Variants in SGCZ observed in about 807,000 individuals in gnomAD.
SGCZ encodes the protein zeta-sarcoglycan.
SGCZ carries 40 observed loss-of-function variants against 41.3 expected under a neutral mutation model. The observed-to-expected ratio is 0.97, with a 90% CI of 0.75 to 1.26. The LOEUF (loss-of-function observed/expected upper bound fraction) is 1.26. SGCZ is among the 50% of genes most tolerant of loss of function. The pLI is 0.00. For synonymous variants in SGCZ, 206 were observed against 137.5 expected (o/e 1.50, Z -3.49); for missense variants, 552 against 369.8 (o/e 1.49, Z -4.04).
rs865901358 is a variant in SGCZ at position 14,921,236 on chromosome 8, T to C, written c.39+316349A>G. ...CAAACAATGCTCCTACTTTCAAATC[T>C]CCACATCAATGCCTCTCCTTCAGAC... On this transcript the variant is annotated intron_variant, in intron 1 of 7. Coordinates refer to ENST00000382080, the MANE Select transcript of SGCZ (RefSeq NM_139167.4). Among the ~76,000 whole-genome samples, 4 of 152,118 alleles carry C rather than the reference T, an allele frequency of 2.6e-5. No individual in the cohort carries two copies. In the South Asian group the frequency reaches 8.3e-4, roughly 32 times the overall value.
At chr8:14,545,509 C>T (rs1020806711) in intron 2 of SGCZ, among the ~76,000 whole-genome samples, 1 of 151,354 alleles carries the variant, frequency 6.6e-6, no homozygotes, top group Admixed American at 6.6e-5. Context: ...TTCTAAATGT[C>T]CTACTAAAAG....
In SGCZ at chr8:15,084,866, A is replaced by G. The variant is rs539327787; in HGVS notation, c.39+152719T>C. ...GTGAGTTTCACTTAGCAGAACCCCA[A>G]TATCTAACATTGATAAGTTGAAGAC... is the stretch of plus-strand genomic sequence containing the variant. On this transcript the variant is annotated intron_variant, in intron 1 of 7. Transcript: ENST00000382080. Among the ~76,000 whole-genome samples, 185 of 152,254 alleles carry G rather than the reference A, an allele frequency of 1.2e-3. 1 individual carries two copies. The highest frequency in any genetic ancestry group is 4.2e-3 in the African/African-American group (176 of 41,570).
At chr8:14,360,747 A>G (rs1803481760) in intron 2 of SGCZ, among the ~76,000 whole-genome samples, 1 of 152,210 alleles carries the variant, frequency 6.6e-6, no homozygotes. Context: ...TATTATGAAT[A>G]AAGCTGCTAT....
chr8:14,316,026 A>T (rs535333072), intron 3 of SGCZ, among the ~76,000 whole-genome samples: 2 of 152,010 alleles, frequency 1.3e-5, no homozygotes, highest in South Asian at 4.1e-4. Flanking sequence ...AACAATTTTC[A>T]TACAAAAATT....
At chr8:14,117,370 T>TGAGAAAGCTTAAATTG (rs1802554465) in intron 5 of SGCZ, among the ~76,000 whole-genome samples, 1 of 134,126 alleles carries the variant, frequency 7.5e-6, no homozygotes, top group African/African-American at 2.7e-5. Flanking sequence ...TTTTTTTTTT[T>TGAGAAAGCTTAAATTG]TGAGAAAGCT....
In SGCZ at chr8:14,809,037, A is replaced by C. The variant is rs544571753; in HGVS notation, c.40-254111T>G. 2.9e-3 allele frequency among the ~76,000 whole-genome samples: 431 copies of C among 150,940 alleles called. 3 individuals are homozygous for C. Among genetic ancestry groups the C allele is most frequent in the Admixed American group, 0.019 (288 of 15,106 alleles). ...TAGGTGGGAATTGAACAATGAGATC[A>C]AATGGACACAGGAAGGGGAACATCA... On this transcript the variant is annotated intron_variant, in intron 1 of 7. Coordinates refer to ENST00000382080, the MANE Select transcript of SGCZ (RefSeq NM_139167.4).
intron 1 of SGCZ, among the ~76,000 whole-genome samples, chr8:14,900,826 C>T (rs17120514): frequency 0.015 from 2,324 of 152,208 alleles, 29 homozygotes; most frequent in African/African-American, 0.04. Flanking sequence ...AGAATCTTTC[C>T]TTAAAAACAG....
chr8:14,255,466 A>C (rs994333084), intron 3 of SGCZ, among the ~76,000 whole-genome samples: 1 of 152,166 alleles, frequency 6.6e-6, no homozygotes, highest in Non-Finnish European at 1.5e-5. Flanking sequence ...AACATGTAAA[A>C]AAATTTCTTG....
At chr8:14,726,436 C>A (rs911679966) in intron 1 of SGCZ, among the ~76,000 whole-genome samples, 2 of 149,498 alleles carry the variant, frequency 1.3e-5, no homozygotes, top group African/African-American at 4.9e-5. Flanking sequence ...AGAAAAATGT[C>A]ATATACTTTA....
intron 2 of SGCZ, among the ~76,000 whole-genome samples, chr8:14,389,806 G>A (rs1218602790): frequency 6.6e-6 from 1 of 151,986 alleles, no homozygotes; most frequent in African/African-American, 2.4e-5. Context: ...ACTAATATTT[G>A]AGAATGTGTT....
At chr8:14,311,192 A>G (rs1445992747) in intron 3 of SGCZ, among the ~76,000 whole-genome samples, 1 of 152,190 alleles carries the variant, frequency 6.6e-6, no homozygotes, top group African/African-American at 2.4e-5. Context: ...ACAGTAATTT[A>G]GTGTAGAGGA....
At chr8:14,325,163 T>C (rs535311925) in intron 2 of SGCZ, among the ~76,000 whole-genome samples, 1 of 152,246 alleles carries the variant, frequency 6.6e-6, no homozygotes, top group African/African-American at 2.4e-5. Context: ...GAGGCAGGCT[T>C]CAAGAAGATT....
intron 1 of SGCZ, among the ~76,000 whole-genome samples, chr8:15,229,492 A>G (rs531737836): frequency 1.3e-5 from 2 of 152,334 alleles, no homozygotes; most frequent in East Asian, 1.9e-4. Context: ...TTTATGGTGG[A>G]AAAGATTTAT....
chr8:15,051,118 T>G (rs946835548), intron 1 of SGCZ, among the ~76,000 whole-genome samples: 2 of 152,192 alleles, frequency 1.3e-5, no homozygotes, highest in Non-Finnish European at 2.9e-5. Flanking sequence ...GCTTCTTTCT[T>G]CTTCAGTCCT....
chr8:14,624,269 G>C (rs139269025), intron 1 of SGCZ, among the ~76,000 whole-genome samples: 1 of 152,144 alleles, frequency 6.6e-6, no homozygotes, highest in East Asian at 1.9e-4. Flanking sequence ...GAAAGCCTTA[G>C]GAATCCCCCA....
At position 14,899,506 on chromosome 8, in the gene SGCZ, C is replaced by A. The variant is rs148309687; in HGVS notation, c.39+338079G>T. ...GTTGCTAAACTTTGAACATGAGTAG[C>A]CATTTCCTCAACAGACTAGGGAGGT... On this transcript the variant is annotated intron_variant, in intron 1 of 7. Coordinates refer to ENST00000382080, the MANE Select transcript of SGCZ (RefSeq NM_139167.4). 4.3e-3 allele frequency among the ~76,000 whole-genome samples: 648 copies of A among 152,256 alleles called. 6 individuals carry two copies. The highest frequency in any genetic ancestry group is 0.015 in the African/African-American group (623 of 41,550).
chr8:14,217,642 T>C (rs190058116), intron 4 of SGCZ, among the ~76,000 whole-genome samples: 3,623 of 132,438 alleles, frequency 0.027, 169 homozygotes, highest in African/African-American at 0.088. Flanking sequence ...TTTTTTTTTT[T>C]TTTTTTTTTG....
intron 4 of SGCZ, among the ~76,000 whole-genome samples, chr8:14,237,283 A>G (rs1315687064): frequency 6.6e-6 from 1 of 152,170 alleles, no homozygotes; most frequent in Non-Finnish European, 1.5e-5. Context: ...TGACTAGCCT[A>G]TGACAAGTCA....
At position 14,807,926 on chromosome 8, in the gene SGCZ, G is replaced by A. The variant is rs987788733; in HGVS notation, c.40-253000C>T. 3.1e-3 allele frequency among the ~76,000 whole-genome samples: 470 copies of A among 151,690 alleles called. 2 individuals are homozygous for A. The highest frequency in any genetic ancestry group is 0.011 in the African/African-American group (455 of 41,342). ...GAACAGAGCCCTCAGAAATAACGCC[G>A]CATATCTACAACTATCTGATCTTTG... On this transcript the variant is annotated intron_variant, in intron 1 of 7. Transcript: ENST00000382080.
Sources: allele counts gnomAD v4.1 joint callset (sites outside exome capture counted in the v4.1 genomes callset), GRCh38; gene constraint gnomAD v4.1.1; transcripts MANE v1.5; gene names NCBI Gene and HGNC (gene_info 2026-07-23, HGNC 2026-07-21).